SRMS: variants seen among roughly 807,000 people sequenced by gnomAD.
SRMS encodes src-related kinase lacking C-terminal regulatory tyrosine and N-terminal myristylation sites.
Under a neutral mutation model 43.5 loss-of-function variants are expected in SRMS, and 42 were observed. That is an observed-to-expected ratio of 0.97 (90% CI 0.75 to 1.25). The LOEUF (loss-of-function observed/expected upper bound fraction) is 1.25, where lower values mean the gene tolerates loss of function less well. SRMS is among the 50% of genes most tolerant of loss of function. The pLI, the probability that SRMS is intolerant of heterozygous loss-of-function variation, is 0.00. For synonymous variants in SRMS, 316 were observed against 308.2 expected, an observed-to-expected ratio of 1.03 and a Z score of -0.27; for missense variants, 703 against 681.0, an observed-to-expected ratio of 1.03 and a Z score of -0.36.
Position 63,539,789 on chromosome 20 carries a change from C to T in SRMS, c.*1029G>A, listed in dbSNP as rs1366915709. Among the ~76,000 whole-genome samples, 1 of 152,164 alleles carries T rather than the reference C, an allele frequency of 6.6e-6. No individual in the cohort carries two copies. Among genetic ancestry groups the T allele is most frequent in the Non-Finnish European group, 1.5e-5 (1 of 68,030 alleles). On this transcript the variant is annotated 3_prime_UTR_variant, in exon 8 of 8. Coordinates refer to ENST00000217188, the MANE Select transcript of SRMS (RefSeq NM_080823.4). ...ATACCATGGCATCTACCTCCGAGCC[C>T]CCAACCGACCCTGCCTGACCCTGCA...
intron 1 of SRMS, among the ~76,000 whole-genome samples, chr20:63,544,590 T>C (rs1181417911): frequency 6.6e-6 from 1 of 152,248 alleles, no homozygotes; most frequent in Admixed American, 6.5e-5. Context: ...TTAGCCCTGC[T>C]GGGCGTGACC....
chr20:63,547,438 A>G lies in SRMS; in HGVS notation c.26T>C (p.Leu9Pro), dbSNP rs2082739719. 6.5e-7 allele frequency: 1 copy of G among 1,530,306 alleles called. No homozygotes were observed. The highest frequency in any genetic ancestry group is 1.2e-5 in the South Asian group (1 of 82,382). The allele number at this position is 1,530,306 out of a possible 1,614,324, so 94.8% of individuals were successfully genotyped here. A position where few individuals can be genotyped will look rare whatever the true frequency, so the allele number is the denominator to read the frequency against. The part of the protein sequence containing the change: MEPFLRRR[L>P]AFLSFFWDKI... ...GTCCCAGAAGAAGGACAGGAAGGCC[A>G]GCCGCCTCCTGAGGAACGGCTCCAT... Residue 9 changes from leucine (L) to proline (P), a missense_variant, in exon 1 of 8, where the codon CTG (leucine) becomes CCG (proline). Physicochemically the swap from Leu to Pro is moderately conservative, Grantham distance 98. Transcript: ENST00000217188.
rs2082692721 is a variant in SRMS at position 63,539,809 on chromosome 20, C to G, written c.*1009G>C. Reference sequence around the variant, plus strand: ...GAGCCCCCAACCGACCCTGCCTGACCCTGCACAGGCAGAAGACTCCAAATC... The same window carrying G: ...GAGCCCCCAACCGACCCTGCCTGACGCTGCACAGGCAGAAGACTCCAAATC... On this transcript the variant is annotated 3_prime_UTR_variant, in exon 8 of 8. Transcript: ENST00000217188. 6.6e-6 allele frequency among the ~76,000 whole-genome samples: 1 copy of G among 152,172 alleles called. No homozygotes were observed.
At position 63,540,132 on chromosome 20, in the gene SRMS, C is replaced by T. The variant is rs1370522992; in HGVS notation, c.*686G>A. Among the ~76,000 whole-genome samples the T allele has an allele frequency of 3.9e-5, 6 of 152,202 alleles. No homozygotes were observed. Among genetic ancestry groups the T allele is most frequent in the East Asian group, 1.9e-4 (1 of 5,194 alleles). On this transcript the variant is annotated 3_prime_UTR_variant, in exon 8 of 8. Transcript: ENST00000217188. ...CCTGTGTGTGATGTGCGCCTGTGTG[C>T]GTGTCTGAGTGGGTCAGTCCCGGCT... is the stretch of plus-strand genomic sequence containing the variant.
chr20:63,544,077 A>C, intron 2 of SRMS, 150 bp downstream of exon 2: 1 of 883,178 alleles, frequency 1.1e-6, no homozygotes, highest in Non-Finnish European at 1.5e-6. Flanking sequence ...TGAGTTAGCA[A>C]GTGCAGGAGG....
rs148953306 is a variant in SRMS at position 63,544,125 on chromosome 20, G to A, written c.478+102C>T. On this transcript the variant is annotated intron_variant, in intron 2 of 7. Transcript: ENST00000217188. ...CTGCTGTTGGGCCCTCAGTGGCGCC[G>A]GGTGTGAATCAGGAGCCAGCACTGC... The A allele has an allele frequency of 7.4e-4, 968 of 1,300,614 alleles. 7 individuals are homozygous for A. The highest frequency in any genetic ancestry group is 7.4e-3 in the African/African-American group (480 of 64,502). The allele number at this position is 1,300,614 out of a possible 1,614,324, so 80.6% of individuals were successfully genotyped here.
rs1028310552 is a variant in SRMS at position 63,541,419 on chromosome 20, G to A, written c.1128+20C>T. ...CCTCACCCACCCCCTCTGGGTCAGG[G>A]GCCCAGAGCCTCCGCTGACCTTGAG... On this transcript the variant is annotated intron_variant, in intron 6 of 7. Coordinates refer to ENST00000217188, the MANE Select transcript of SRMS (RefSeq NM_080823.4). The A allele has an allele frequency of 6.3e-7, 1 of 1,582,980 alleles. No individual in the cohort carries two copies.
intron 7 of SRMS, 52 bp from the exon 8 acceptor site, chr20:63,541,051 G>A (rs1303814327): frequency 5.6e-6 from 9 of 1,600,558 alleles, no homozygotes; most frequent in East Asian, 2.2e-5. Flanking sequence ...GGTCCCTATG[G>A]AGGAGGCCTC....
intron 2 of SRMS, 110 bp from the exon 3 acceptor site, chr20:63,543,590 G>C: frequency 7.6e-7 from 1 of 1,316,128 alleles, no homozygotes; most frequent in Non-Finnish European, 1.0e-6. Flanking sequence ...CTCAGACCTA[G>C]CTGGGGACCC....
In SRMS at chr20:63,543,477, C is replaced by A. The variant is rs140476273; in HGVS notation, c.482G>T (p.Arg161Leu). 1 of 1,612,644 alleles carries A rather than the reference C, an allele frequency of 6.2e-7. No homozygotes were observed. The highest frequency in any genetic ancestry group is 2.2e-5 in the East Asian group (1 of 44,894). Residue 161 changes from arginine (R) to leucine (L), a missense_variant, in exon 3 of 8, where the codon CGG (arginine) becomes CTG (leucine). Coordinates refer to ENST00000217188, the MANE Select transcript of SRMS (RefSeq NM_080823.4). ...GTAGTGGCAGACCTTGGCCTGGGCC[C>A]GGACTAGGAAGGGTTCAGAGATGGA... ...SSLGGYSLSV[R>L]AQAKVCHYRV... is the part of the protein sequence containing the mutation.
chr20:63,539,293 G>A lies in SRMS; in HGVS notation c.*1525C>T, dbSNP rs1038419227. ...TGCACGGGCCCCAGGAAGCCCCCGC[G>A]CTGCCTCCGTTCTCGGAGCCTCCGA... On this transcript the variant is annotated 3_prime_UTR_variant, in exon 8 of 8. Coordinates refer to ENST00000217188, the MANE Select transcript of SRMS (RefSeq NM_080823.4). Among the ~76,000 whole-genome samples the A allele has an allele frequency of 1.4e-4, 22 of 152,182 alleles. No homozygotes were observed. Among genetic ancestry groups the A allele is most frequent in the African/African-American group, 3.6e-4 (15 of 41,436 alleles).
chr20:63,546,307 C>T (rs562878168), intron 1 of SRMS, among the ~76,000 whole-genome samples: 5 of 152,074 alleles, frequency 3.3e-5, no homozygotes, highest in African/African-American at 9.6e-5. Flanking sequence ...ACCCCCAGGA[C>T]GATGTGTGAG....
At position 63,543,209 on chromosome 20, in the gene SRMS, C is replaced by T. The variant is rs1164551634; in HGVS notation, c.645+105G>A. 128 of 1,393,466 alleles carry T rather than the reference C, an allele frequency of 9.2e-5. 1 individual carries two copies. Among genetic ancestry groups the T allele is most frequent in the Non-Finnish European group, 9.5e-5 (97 of 1,019,950 alleles). The allele number at this position is 1,393,466 out of a possible 1,614,324, so 86.3% of individuals were successfully genotyped here. ...AGGCCTGGGCAGGGCCCTGGAGCTG[C>T]GCCTCTGACAGCCCCAGGGGTTTTG... is the stretch of plus-strand genomic sequence containing the variant. On this transcript the variant is annotated intron_variant, in intron 3 of 7. Coordinates refer to ENST00000217188, the MANE Select transcript of SRMS (RefSeq NM_080823.4).
chr20:63,542,688 ACACT>A (rs1336013202), intron 3 of SRMS, 107 bp from the exon 4 acceptor site: 2 of 1,341,570 alleles, frequency 1.5e-6, no homozygotes, highest in Admixed American at 2.8e-5. Context: ...TCCCCAGCAC[ACACT>A]CACCCCACCC....
intron 3 of SRMS, among the ~76,000 whole-genome samples, chr20:63,543,058 T>G (rs1191208824): frequency 6.6e-6 from 1 of 152,148 alleles, no homozygotes; most frequent in African/African-American, 2.4e-5. Context: ...CCTGCAGAGC[T>G]GGGCACTGCT....
At position 63,547,246 on chromosome 20, in the gene SRMS, C is replaced by G. The variant is rs142241990; in HGVS notation, c.218G>C (p.Arg73Pro). 1.1e-5 allele frequency: 17 copies of G among 1,609,696 alleles called. No homozygotes were observed. In the African/African-American group the frequency reaches 1.7e-4, roughly 16 times the overall value. ...GAGGGCACAGAGCCTGTCCCCGCGGCGGACACTCAGCTCCCCGCCACACCG... is the reference window on the plus strand; with the variant it reads ...GAGGGCACAGAGCCTGTCCCCGCGGGGGACACTCAGCTCCCCGCCACACCG... Reference protein sequence around the residue: ...TARCGGELSVRRGDRLCALEE... With the variant: ...TARCGGELSVPRGDRLCALEE... The change falls in exon 1 of 8, where the codon CGC becomes CCC. Residue 73 changes from arginine (R) to proline (P), a missense_variant. By Grantham distance (103) the Arg-to-Pro change is moderately radical (BLOSUM62 -2). Transcript: ENST00000217188.
Position 63,542,540 on chromosome 20 carries a change from T to A in SRMS, c.687A>T (p.Glu229Asp). The change falls in exon 4 of 8, where the codon GAA (glutamate) becomes GAT (aspartate). Residue 229 changes from glutamate (E) to aspartate (D), a missense_variant. Physicochemically the swap from Glu to Asp is conservative, Grantham distance 45. Transcript: ENST00000217188. Reference sequence around the variant, plus strand: ...CACCCAGCTTCCTCCCAAGGGCGAATTCGGAGTGTGGCCGCTCCCACACGT... The same window carrying A: ...CACCCAGCTTCCTCCCAAGGGCGAAATCGGAGTGTGGCCGCTCCCACACGT... ...RQDVWERPHSEFALGRKLGEG... is the reference protein window; with the variant it reads ...RQDVWERPHSDFALGRKLGEG... 6.2e-7 allele frequency: 1 copy of A among 1,612,530 alleles called. No homozygotes were observed. The highest frequency in any genetic ancestry group is 8.5e-7 in the Non-Finnish European group (1 of 1,179,782).
chr20:63,541,146 C>A, intron 7 of SRMS, 45 bp downstream of exon 7: 1 of 1,550,610 alleles, frequency 6.4e-7, no homozygotes, highest in Non-Finnish European at 8.7e-7. Flanking sequence ...GCCAGTGACT[C>A]CTGGGCAGAG....
intron 3 of SRMS, among the ~76,000 whole-genome samples, chr20:63,543,035 T>G (rs1280655075): frequency 2.0e-5 from 3 of 152,104 alleles, no homozygotes; most frequent in African/African-American, 7.2e-5. Context: ...GGCCCCACCC[T>G]CCTGGCTGCT....
Sources: gnomAD v4.1 joint callset for allele counts (sites outside exome capture counted in the v4.1 genomes callset) on GRCh38, gnomAD v4.1.1 for gene constraint, MANE v1.5 for transcripts, NCBI Gene and HGNC (gene_info 2026-07-23, HGNC 2026-07-21) for gene names.